The following THSD7B variants were observed in gnomAD, a reference collection of about 807,000 sequenced individuals.
THSD7B encodes thrombospondin type-1 domain-containing protein 7B.
A neutral mutation model predicts 213.6 loss-of-function variants in THSD7B; 138 were observed. That is an observed-to-expected ratio of 0.65 (90% CI 0.56 to 0.74). The LOEUF (loss-of-function observed/expected upper bound fraction) is 0.74. Among genes scored for constraint, THSD7B ranks in the 30% least tolerant of loss-of-function variants. The probability of loss-of-function intolerance (pLI) is 0.00; values close to 1 mark genes in which losing one functional copy is unlikely to be tolerated. For synonymous variants in THSD7B, 742 were observed against 687.0 expected (o/e 1.08, Z -1.25); for missense variants, 1,931 against 1,991.5 (o/e 0.97, Z 0.58).
intron 12 of THSD7B, among the ~76,000 whole-genome samples, chr2:137,362,800 C>A (rs1222779692): frequency 2.0e-5 from 3 of 152,142 alleles, no homozygotes; most frequent in East Asian, 1.9e-4. Context: ...GACTTTAACA[C>A]CCCACTGTCA....
chr2:137,118,860 C>A (rs1338193419), intron 5 of THSD7B, among the ~76,000 whole-genome samples: 1 of 152,140 alleles, frequency 6.6e-6, no homozygotes, highest in Non-Finnish European at 1.5e-5. Flanking sequence ...GCCTCACAAT[C>A]ATGGCAGAAG....
chr2:136,909,594 A>C (rs970293769), intron 2 of THSD7B, among the ~76,000 whole-genome samples: 1 of 152,206 alleles, frequency 6.6e-6, no homozygotes, highest in Admixed American at 6.5e-5. Flanking sequence ...TGACTTTGGA[A>C]AATCCATTTG....
intron 12 of THSD7B, among the ~76,000 whole-genome samples, chr2:137,287,987 A>G (rs1362749686): frequency 1.3e-5 from 2 of 152,068 alleles, no homozygotes; most frequent in Non-Finnish European, 2.9e-5. Context: ...CTTCAAATAG[A>G]CGTGAATTCC....
intron 2 of THSD7B, among the ~76,000 whole-genome samples, chr2:137,012,603 G>A (rs1686251997): frequency 6.6e-6 from 1 of 152,186 alleles, no homozygotes; most frequent in Admixed American, 6.6e-5. Context: ...TGTTCAGCAA[G>A]TTCAGTGCTC....
chr2:137,268,407 G>A (rs952880472), intron 10 of THSD7B, among the ~76,000 whole-genome samples: 2 of 148,252 alleles, frequency 1.3e-5, no homozygotes, highest in Non-Finnish European at 3.0e-5. Context: ...TGCAGTGTTT[G>A]GTTTTCTGTC....
At chr2:137,537,033 T>C (rs1304455956) in intron 15 of THSD7B, among the ~76,000 whole-genome samples, 8 of 151,794 alleles carry the variant, frequency 5.3e-5, no homozygotes, top group Non-Finnish European at 1.2e-4. Flanking sequence ...ACTAACTCTC[T>C]GTTCTGGACA....
chr2:137,264,194 G>A (rs887786417), intron 10 of THSD7B, among the ~76,000 whole-genome samples: 1 of 151,742 alleles, frequency 6.6e-6, no homozygotes. Flanking sequence ...AACTTAGGCT[G>A]CCTAATATTG....
chr2:137,504,543 A>G (rs1380778924), intron 15 of THSD7B, among the ~76,000 whole-genome samples: 1 of 152,246 alleles, frequency 6.6e-6, no homozygotes, highest in Non-Finnish European at 1.5e-5. Context: ...AGGTATTATC[A>G]TCTTTACCTA....
chr2:136,802,521 A>T (rs1244527755), intron 1 of THSD7B, among the ~76,000 whole-genome samples: 1 of 151,360 alleles, frequency 6.6e-6, no homozygotes, highest in East Asian at 1.9e-4. Context: ...GGATAACAAA[A>T]TATTCAACAA....
chr2:137,219,493 C>A (rs956887638), intron 7 of THSD7B, among the ~76,000 whole-genome samples: 1 of 152,134 alleles, frequency 6.6e-6, no homozygotes, highest in Non-Finnish European at 1.5e-5. Flanking sequence ...TACCAACCAA[C>A]TCAAGAAAAA....
intron 15 of THSD7B, among the ~76,000 whole-genome samples, chr2:137,494,770 G>A (rs1047206994): frequency 2.6e-5 from 4 of 152,020 alleles, no homozygotes; most frequent in Admixed American, 1.3e-4. Flanking sequence ...TTGTGATCTG[G>A]TGCTATGCCT....
rs1297997976 is a variant in THSD7B, at chr2:137,183,847, A to G, written c.1723+12909A>G. Among the ~76,000 whole-genome samples, 3 of 152,272 alleles carry G rather than the reference A, an allele frequency of 2.0e-5. No individual in the cohort carries two copies. The East Asian group carries it at 5.8e-4, about 29-fold the overall frequency. ...GAAAAATGGCTCATTGTCATTTCTAACATTTTACTTTGGGCTGATTTCATT... is the reference window on the plus strand; with the variant it reads ...GAAAAATGGCTCATTGTCATTTCTAGCATTTTACTTTGGGCTGATTTCATT... On this transcript the variant is annotated intron_variant, in intron 7 of 27. Coordinates refer to ENST00000409968, the MANE Select transcript of THSD7B (RefSeq NM_001316349.2).
At position 137,231,152 on chromosome 2, in the gene THSD7B, C is replaced by T. The variant is rs748467463; in HGVS notation, c.1832C>T (p.Ser611Leu). The stretch of plus-strand genomic sequence containing the variant: ...GTGCTGAGCGAGTGGACGGAGTGGT[C>T]ATCCTGTTCCCAGTCCTGTTCAAAT... ...DCVLSEWTEW[S>L]SCSQSCSNKN... The change falls in exon 8 of 28, where the codon TCA becomes TTA. Residue 611 changes from serine (S) to leucine (L), a missense_variant. By Grantham distance (145) the Ser-to-Leu change is moderately radical. Transcript: ENST00000409968. 13 of 1,613,704 alleles carry T rather than the reference C, an allele frequency of 8.1e-6. No individual in the cohort carries two copies. Among genetic ancestry groups the T allele is most frequent in the East Asian group, 2.2e-5 (1 of 44,874 alleles).
chr2:137,076,625 G>A (rs1319569734), intron 3 of THSD7B, among the ~76,000 whole-genome samples: 2 of 152,186 alleles, frequency 1.3e-5, no homozygotes, highest in African/African-American at 4.8e-5. Context: ...ACTGCCCAGT[G>A]AGATGAACCC....
intron 10 of THSD7B, among the ~76,000 whole-genome samples, chr2:137,258,966 A>T (rs1435972155): frequency 6.6e-6 from 1 of 152,016 alleles, no homozygotes; most frequent in Non-Finnish European, 1.5e-5. Context: ...TTAGTTTGCT[A>T]AGAGTGATGA....
intron 7 of THSD7B, among the ~76,000 whole-genome samples, chr2:137,208,541 TTTAAC>T (rs550199727): frequency 2.7e-3 from 414 of 152,184 alleles, no homozygotes; most frequent in African/African-American, 9.4e-3. Context: ...GCTTTTAATA[TTTAAC>T]TTAACCACCC....
chr2:137,046,012 C>CTT lies in THSD7B; in HGVS notation c.140-10399_140-10398dup, dbSNP rs144706408. ...CAGAGAAGAGACTTTTTCTCTTCAA[C>CTT]TTTTTTTTTTCATTTTGGAAAAATC... On this transcript the variant is annotated intron_variant, in intron 2 of 27. Coordinates refer to ENST00000409968, the MANE Select transcript of THSD7B (RefSeq NM_001316349.2). Among the ~76,000 whole-genome samples the CTT allele has an allele frequency of 7.9e-3, 1,179 of 149,840 alleles. 6 individuals carry two copies. The highest frequency in any genetic ancestry group is 9.3e-3 in the African/African-American group (381 of 40,942).
At chr2:137,499,805 A>G (rs909118949) in intron 15 of THSD7B, among the ~76,000 whole-genome samples, 2 of 152,202 alleles carry the variant, frequency 1.3e-5, no homozygotes, top group African/African-American at 2.4e-5. Flanking sequence ...AGCCAAATGC[A>G]TGAGTGCACA....
intron 3 of THSD7B, among the ~76,000 whole-genome samples, chr2:137,077,579 A>T (rs1687656761): frequency 1.3e-5 from 2 of 152,168 alleles, no homozygotes; most frequent in African/African-American, 4.8e-5. Flanking sequence ...ATGGCCAGTG[A>T]TGATGAGCAT....
Sources: allele counts gnomAD v4.1 joint callset (sites outside exome capture counted in the v4.1 genomes callset), GRCh38; gene constraint gnomAD v4.1.1; transcripts MANE v1.5; gene names NCBI Gene and HGNC (gene_info 2026-07-23, HGNC 2026-07-21).